CPLX2: variants seen among roughly 807,000 people sequenced by gnomAD.
The protein encoded by CPLX2 is complexin 2.
Under a neutral mutation model 16.3 loss-of-function variants are expected in CPLX2, and 5 were observed. That is an observed-to-expected ratio of 0.31 (90% CI 0.16 to 0.64). The LOEUF is 0.64. CPLX2 is among the 30% of genes least tolerant of loss of function. The pLI is 0.79. For missense variants in CPLX2, 144 were observed against 181.4 expected (o/e 0.79, Z 1.18); for synonymous variants, 89 against 73.2 (o/e 1.22, Z -1.10).
intron 2 of CPLX2, among the ~76,000 whole-genome samples, chr5:175,844,915 C>T (rs1014666743): frequency 6.6e-6 from 1 of 152,190 alleles, no homozygotes; most frequent in African/African-American, 2.4e-5. Context: ...CTGGAAAGCA[C>T]ATTTCAATGC....
At chr5:175,811,175 G>A (rs1370193535) in intron 2 of CPLX2, among the ~76,000 whole-genome samples, 1 of 152,214 alleles carries the variant, frequency 6.6e-6, no homozygotes, top group Non-Finnish European at 1.5e-5. Flanking sequence ...ATTGGTTCAG[G>A]ACCCATATAA....
At chr5:175,844,684 G>A (rs752475069) in intron 2 of CPLX2, among the ~76,000 whole-genome samples, 2 of 152,262 alleles carry the variant, frequency 1.3e-5, no homozygotes, top group Admixed American at 6.5e-5. Flanking sequence ...GCGAAGGGCC[G>A]GAGGCTGGCG....
rs6884694 is a variant in CPLX2 at position 175,845,512 on chromosome 5, G to A, written c.-88-33140G>A. 4.0e-3 allele frequency among the ~76,000 whole-genome samples: 615 copies of A among 152,270 alleles called. 6 individuals carry two copies. The highest frequency in any genetic ancestry group is 0.014 in the African/African-American group (586 of 41,544). On this transcript the variant is annotated intron_variant, in intron 2 of 4. Transcript: ENST00000359546. This position sits in a 1 kb window ranked among gnomAD's most constrained non-coding sequence, Gnocchi z 4.0. ...AGGCAAAGGTCACTCCCCCTCATGA[G>A]GGCCACTCCCCCTAGAGTAACTGCC... is the stretch of plus-strand genomic sequence containing the variant.
intron 3 of CPLX2, 23 bp from the exon 4 acceptor site, chr5:175,879,825 G>A (rs577317216): frequency 2.4e-5 from 39 of 1,599,524 alleles, no homozygotes; most frequent in African/African-American, 2.7e-5. Flanking sequence ...CTTCATGCGC[G>A]TCTCTGCCCT....
intron 1 of CPLX2, among the ~76,000 whole-genome samples, chr5:175,876,418 A>C (rs1380725073): frequency 3.1e-4 from 47 of 152,158 alleles, no homozygotes; most frequent in Admixed American, 3.1e-3. Context: ...GACAGGAGGA[A>C]GAAGAGGAGT....
At chr5:175,824,841 A>G (rs181291863) in intron 2 of CPLX2, among the ~76,000 whole-genome samples, 8 of 152,330 alleles carry the variant, frequency 5.3e-5, no homozygotes, top group Admixed American at 4.6e-4. Context: ...GGATTCCAGC[A>G]GGTGTGTCCA....
intron 2 of CPLX2, among the ~76,000 whole-genome samples, chr5:175,853,865 T>C (rs550403306): frequency 6.6e-6 from 1 of 152,136 alleles, no homozygotes; most frequent in Non-Finnish European, 1.5e-5. Flanking sequence ...CAATGCCCAC[T>C]TTCTAGGTCT....
In CPLX2 at chr5:175,820,331, C is replaced by T. The variant is rs202245966; in HGVS notation, c.-89+11263C>T. Among the ~76,000 whole-genome samples, 46 of 152,362 alleles carry T rather than the reference C, an allele frequency of 3.0e-4. 1 individual carries two copies. The East Asian group carries it at 7.5e-3, about 25-fold the overall frequency. ...CACACACTCATTCCTTCCCCCGACA[C>T]TTCTGTGACTAGCGGGGCTCCGTGT... On this transcript the variant is annotated intron_variant, in intron 2 of 4. Coordinates refer to the CPLX2 transcript ENST00000359546.
chr5:175,867,673 G>A (rs551996675), upstream of CPLX2, among the ~76,000 whole-genome samples: 214 of 152,038 alleles, frequency 1.4e-3, 1 homozygote, highest in Non-Finnish European at 2.3e-3. Context: ...ATCCCATCAG[G>A]AGGGAAACAC....
chr5:175,813,636 GC>G (rs1262295804), intron 2 of CPLX2, among the ~76,000 whole-genome samples: 2 of 152,268 alleles, frequency 1.3e-5, no homozygotes, highest in Non-Finnish European at 1.5e-5. Flanking sequence ...CAGGGAGCTG[GC>G]CACAGGCACA....
At chr5:175,879,815 C>G in intron 3 of CPLX2, 33 bp from the exon 4 acceptor site, 41 of 1,579,476 alleles carry the variant, frequency 2.6e-5, no homozygotes, top group Non-Finnish European at 3.3e-5. Flanking sequence ...GCCCACCCCG[C>G]TTCATGCGCG....
chr5:175,871,464 A>AGAGAGAGAGAGAGAGAGAGAGAGAGG (rs1759612961), upstream of CPLX2: 8 of 93,234 alleles, frequency 8.6e-5, 1 homozygote, highest in South Asian at 7.2e-4. Context: ...AGAGAGAGAG[A>AGAGAGAGAGAGAGAGAGAGAGAGAGG]GAGAGAGAGA....
At chr5:175,876,743 C>G (rs1348897673) in intron 1 of CPLX2, among the ~76,000 whole-genome samples, 2 of 152,196 alleles carry the variant, frequency 1.3e-5, no homozygotes, top group African/African-American at 2.4e-5. Context: ...CCACTGCCAC[C>G]TGGTAATTCC....
intron 2 of CPLX2, among the ~76,000 whole-genome samples, chr5:175,864,753 A>T (rs1759434270): frequency 6.6e-6 from 1 of 152,152 alleles, no homozygotes; most frequent in Admixed American, 6.5e-5. Context: ...CTTGCTACAT[A>T]GGGTTGTCAT....
intron 2 of CPLX2, among the ~76,000 whole-genome samples, chr5:175,823,706 G>A (rs557588461): frequency 3.9e-5 from 6 of 152,190 alleles, no homozygotes; most frequent in Non-Finnish European, 8.8e-5. Context: ...GCACCTAAGT[G>A]ACACTTGAAC....
intron 1 of CPLX2, among the ~76,000 whole-genome samples, chr5:175,797,746 G>A (rs1333207522): frequency 6.6e-6 from 1 of 152,152 alleles, no homozygotes; most frequent in East Asian, 1.9e-4. Flanking sequence ...AATCCCAGAC[G>A]GCAGAGAAGG....
intron 2 of CPLX2, among the ~76,000 whole-genome samples, chr5:175,852,031 G>A (rs73803072): frequency 2.6e-5 from 4 of 152,276 alleles, no homozygotes; most frequent in African/African-American, 9.6e-5. Flanking sequence ...AAAAACAGAA[G>A]CTGCCCCAGC....
intron 2 of CPLX2, among the ~76,000 whole-genome samples, chr5:175,827,343 T>C (rs1177849830): frequency 1.3e-5 from 2 of 152,218 alleles, no homozygotes; most frequent in African/African-American, 2.4e-5. Flanking sequence ...AGGGAAATTG[T>C]TGCTTGATTG....
At chr5:175,823,363 G>C (rs1287501348) in intron 2 of CPLX2, among the ~76,000 whole-genome samples, 4 of 152,160 alleles carry the variant, frequency 2.6e-5, no homozygotes, top group Admixed American at 6.5e-5. Flanking sequence ...TGGTAGGATA[G>C]ATGAGGGTAG....
Sources: allele counts gnomAD v4.1 joint callset (sites outside exome capture counted in the v4.1 genomes callset), GRCh38; gene constraint gnomAD v4.1.1; non-coding constraint Gnocchi (gnomAD v3.1); transcripts MANE v1.5; gene names NCBI Gene and HGNC (gene_info 2026-07-23, HGNC 2026-07-21).